GPAT3: variants seen among roughly 807,000 people sequenced by gnomAD.
The protein encoded by GPAT3 is 1-AGP acyltransferase 9.
Under a neutral mutation model 58.8 loss-of-function variants are expected in GPAT3, and 53 were observed. That is an observed-to-expected ratio of 0.90 (90% CI 0.72 to 1.13). The LOEUF (loss-of-function observed/expected upper bound fraction) is 1.13, where lower values mean the gene tolerates loss of function less well. Among genes scored for constraint, GPAT3 ranks in the 50% most tolerant of loss-of-function variants. GPAT3 has a pLI of 0.00. For missense variants in GPAT3, 511 were observed against 527.6 expected (o/e 0.97, Z 0.31); for synonymous variants, 197 against 187.4 (o/e 1.05, Z -0.42).
At chr4:83,596,646 G>A (rs1217249804) in intron 7 of GPAT3, among the ~76,000 whole-genome samples, 1 of 151,864 alleles carries the variant, frequency 6.6e-6, no homozygotes. Flanking sequence ...AAAGAAAAAA[G>A]ACTTACTTTG....
intron 11 of GPAT3, among the ~76,000 whole-genome samples, chr4:83,601,724 A>G (rs1727060175): frequency 6.6e-6 from 1 of 152,276 alleles, no homozygotes; most frequent in Non-Finnish European, 1.5e-5. Flanking sequence ...ACTGCACAGC[A>G]GCCTGGGTGA....
At chr4:83,561,948 G>A (rs1445335636) in intron 2 of GPAT3, among the ~76,000 whole-genome samples, 2 of 151,046 alleles carry the variant, frequency 1.3e-5, no homozygotes. Flanking sequence ...GATATAATTG[G>A]TCATTTTTTG....
chr4:83,537,625 G>GTGTGTATA lies in GPAT3; in HGVS notation c.141+863_141+864insGTGTATAT, dbSNP rs138199995. On this transcript the variant is annotated intron_variant, in intron 1 of 11. Transcript: ENST00000264409. ...TGTGTGTGTGTGTGTGTGTGTGTGT[G>GTGTGTATA]TATATTTAACATAAGAGACAGGGTC... Among the ~76,000 whole-genome samples the GTGTGTATA allele has an allele frequency of 5.9e-3, 867 of 147,652 alleles. 7 individuals are homozygous for GTGTGTATA. The highest frequency in any genetic ancestry group is 0.021 in the African/African-American group (827 of 39,266).
At chr4:83,550,980 C>A (rs2110075802) in intron 2 of GPAT3, among the ~76,000 whole-genome samples, 1 of 152,206 alleles carries the variant, frequency 6.6e-6, no homozygotes, top group Non-Finnish European at 1.5e-5. Context: ...CTTTTACGTA[C>A]AATATTATAA....
chr4:83,544,373 G>A (rs946565311), intron 1 of GPAT3, among the ~76,000 whole-genome samples, 163 bp from the exon 2 acceptor site: 1 of 152,136 alleles, frequency 6.6e-6, no homozygotes. Flanking sequence ...AAGTATACTT[G>A]GGACTTGGAA....
chr4:83,555,278 A>G (rs1724907447), intron 2 of GPAT3, among the ~76,000 whole-genome samples: 1 of 152,094 alleles, frequency 6.6e-6, no homozygotes, highest in South Asian at 2.1e-4. Context: ...GAGCTCCTGG[A>G]TAGATAGCCT....
intron 2 of GPAT3, among the ~76,000 whole-genome samples, chr4:83,571,761 T>G (rs545552938): frequency 6.6e-6 from 1 of 151,522 alleles, no homozygotes; most frequent in East Asian, 1.9e-4. Context: ...TATGTGTATA[T>G]ACACATATAT....
chr4:83,547,404 C>T (rs964711425), intron 2 of GPAT3, among the ~76,000 whole-genome samples: 7 of 151,692 alleles, frequency 4.6e-5, no homozygotes, highest in South Asian at 2.1e-4. Context: ...AGGTGCCCGC[C>T]ACCACGCCCA....
intron 3 of GPAT3, among the ~76,000 whole-genome samples, chr4:83,583,667 G>GGAAAAA (rs1553947553): frequency 8.5e-5 from 2 of 23,462 alleles, no homozygotes; most frequent in African/African-American, 3.8e-4. Flanking sequence ...ACTCTTGTCT[G>GGAAAAA]AAAAAAAAAA....
intron 2 of GPAT3, among the ~76,000 whole-genome samples, chr4:83,563,889 T>A (rs921150524): frequency 3.3e-5 from 5 of 152,236 alleles, no homozygotes; most frequent in African/African-American, 1.2e-4. Context: ...CCTTTCTCTA[T>A]TATTACTTAG....
intron 7 of GPAT3, 148 bp downstream of exon 7, chr4:83,595,108 T>C (rs1726771830): frequency 1.6e-6 from 1 of 614,994 alleles, no homozygotes; most frequent in Non-Finnish European, 2.8e-6. Context: ...AAATCACCTG[T>C]CTTAGCCAGA....
At chr4:83,582,603 C>T (rs1726187407) in intron 3 of GPAT3, among the ~76,000 whole-genome samples, 1 of 152,166 alleles carries the variant, frequency 6.6e-6, no homozygotes, top group Admixed American at 6.5e-5. Flanking sequence ...CCTTGGCATC[C>T]TCTCAGCAGA....
intron 6 of GPAT3, among the ~76,000 whole-genome samples, chr4:83,590,498 G>A (rs1007222065): frequency 2.6e-5 from 4 of 152,160 alleles, no homozygotes; most frequent in Admixed American, 2.0e-4. Flanking sequence ...ATTTAAGATG[G>A]TAAAAAATTA....
chr4:83,566,518 C>T (rs998571291), intron 2 of GPAT3, among the ~76,000 whole-genome samples: 5 of 150,732 alleles, frequency 3.3e-5, no homozygotes, highest in South Asian at 2.1e-4. Context: ...GTGATCCACC[C>T]GTCTCAGCCT....
intron 11 of GPAT3, among the ~76,000 whole-genome samples, chr4:83,599,967 A>G (rs1252552185): frequency 2.6e-5 from 4 of 152,324 alleles, no homozygotes; most frequent in Non-Finnish European, 5.9e-5. Flanking sequence ...TTATAATAAT[A>G]CACTGACTAA....
intron 2 of GPAT3, among the ~76,000 whole-genome samples, chr4:83,560,991 T>A (rs1233593576): frequency 6.6e-6 from 1 of 152,190 alleles, no homozygotes; most frequent in East Asian, 1.9e-4. Context: ...TCTTTTCTTA[T>A]AAATTACCCA....
At chr4:83,539,330 A>G (rs891567679) in intron 1 of GPAT3, among the ~76,000 whole-genome samples, 3 of 152,158 alleles carry the variant, frequency 2.0e-5, no homozygotes, top group Non-Finnish European at 2.9e-5. Flanking sequence ...TTTTCTTTAC[A>G]TTTCATTCCC....
rs1171491922 is a variant in GPAT3 at position 83,604,859 on chromosome 4, T to C, written c.*92T>C. 9.5e-7 allele frequency: 1 copy of C among 1,055,898 alleles called. No homozygotes were observed. The highest frequency in any genetic ancestry group is 1.4e-6 in the Non-Finnish European group (1 of 726,394). 65.4% of individuals were successfully genotyped at this position (1,055,898 alleles called of 1,614,324 possible). A position where few individuals can be genotyped will look rare whatever the true frequency, so the allele number is the denominator to read the frequency against. On this transcript the variant is annotated 3_prime_UTR_variant, in exon 12 of 12. Coordinates refer to ENST00000264409, the MANE Select transcript of GPAT3 (RefSeq NM_032717.5). ...TTTTGTTTTATTGTTTTGTTTTTAT[T>C]ATTGTTAATCTTTTCTACAGAATGA...
chr4:83,552,770 T>C (rs1330769241), intron 2 of GPAT3, among the ~76,000 whole-genome samples: 3 of 152,268 alleles, frequency 2.0e-5, no homozygotes, highest in East Asian at 1.9e-4. Context: ...CCTTCCCAAA[T>C]TGATATGTTG....
Sources: allele counts gnomAD v4.1 joint callset (sites outside exome capture counted in the v4.1 genomes callset), GRCh38; gene constraint gnomAD v4.1.1; transcripts MANE v1.5; gene names NCBI Gene and HGNC (gene_info 2026-07-23, HGNC 2026-07-21).